Variants in RBBP8 observed in about 807,000 individuals in gnomAD.
RBBP8 encodes DNA endonuclease RBBP8.
A neutral mutation model predicts 108.3 loss-of-function variants in RBBP8; 88 were observed. The observed-to-expected ratio is 0.81, with a 90% CI of 0.68 to 0.97. RBBP8 has a LOEUF of 0.97. Among genes scored for constraint, RBBP8 ranks in the 50% least tolerant of loss-of-function variants. The probability of loss-of-function intolerance (pLI) is 0.00; values close to 1 mark genes in which losing one functional copy is unlikely to be tolerated. For missense variants in RBBP8, 1,023 were observed against 1,049.0 expected, an observed-to-expected ratio of 0.98 and a Z score of 0.34; for synonymous variants, 332 against 348.2, an observed-to-expected ratio of 0.95 and a Z score of 0.52.
chr18:22,965,468 A>G (rs951574825), intron 4 of RBBP8, among the ~76,000 whole-genome samples: 4 of 151,828 alleles, frequency 2.6e-5, no homozygotes, highest in Non-Finnish European at 2.9e-5. Context: ...CCTTAATTCT[A>G]TTTTCTAGAA....
chr18:22,939,258 G>A (rs1381183076), intron 2 of RBBP8, among the ~76,000 whole-genome samples: 1 of 152,200 alleles, frequency 6.6e-6, no homozygotes, highest in African/African-American at 2.4e-5. Flanking sequence ...TGTAATCCCA[G>A]TGCTTTGGGA....
At chr18:22,990,864 A>G in intron 9 of RBBP8, 73 bp from the exon 10 acceptor site, 1 of 1,114,940 alleles carries the variant, frequency 9.0e-7, no homozygotes, top group Non-Finnish European at 1.4e-6. Flanking sequence ...CATAACATAT[A>G]TCAGTACTTC....
chr18:22,979,531 A>C (rs565912661), intron 6 of RBBP8, among the ~76,000 whole-genome samples: 81 of 152,290 alleles, frequency 5.3e-4, no homozygotes, highest in African/African-American at 1.8e-3. Context: ...TACAGTTCTC[A>C]CTATATAAGC....
At position 23,026,169 on chromosome 18, in the gene RBBP8, T is replaced by C; in HGVS notation, c.2623T>C (p.Cys875Arg). The C allele has an allele frequency of 6.2e-7, 1 of 1,613,726 alleles. No homozygotes were observed. Among genetic ancestry groups the C allele is most frequent in the Non-Finnish European group, 8.5e-7 (1 of 1,179,702 alleles). The stretch of plus-strand genomic sequence containing the variant: ...TTATATTAAGGAAGATCTTGATCCT[T>C]GTCCTCGTCCAAAAAGACGTCAGCC... ...RGYIKEDLDPCPRPKRRQPYN... is the reference protein window; with the variant it reads ...RGYIKEDLDPRPRPKRRQPYN... The change falls in exon 19 of 19, where the codon TGT becomes CGT. Residue 875 changes from cysteine to arginine, a missense_variant. Coordinates refer to ENST00000327155, the MANE Select transcript of RBBP8 (RefSeq NM_002894.3).
chr18:22,924,261 T>C (rs1909710401), intron 3 of RBBP8, among the ~76,000 whole-genome samples: 1 of 151,326 alleles, frequency 6.6e-6, no homozygotes, highest in Admixed American at 6.6e-5. Flanking sequence ...CCTGAGTAGC[T>C]GGGACTACAG....
Position 22,936,823 on chromosome 18 carries a change from AAGTAGAAGTGTGG to A in RBBP8, c.-26_-14del. ...CAGAAAAGGTCAGAAAATATTAAGC[AAGTAGAAGTGTGG>A]AGCATATTAAGCAAGATGAACATCT... On this transcript the variant is annotated 5_prime_UTR_variant, in exon 2 of 19. Coordinates refer to ENST00000327155, the MANE Select transcript of RBBP8 (RefSeq NM_002894.3). 1 of 1,613,520 alleles carries A rather than the reference AAGTAGAAGTGTGG, an allele frequency of 6.2e-7. No individual in the cohort carries two copies. The highest frequency in any genetic ancestry group is 8.5e-7 in the Non-Finnish European group (1 of 1,179,536).
At chr18:23,022,651 T>TAAAATAAAAAA (rs370599195) in intron 18 of RBBP8, among the ~76,000 whole-genome samples, 3 of 84,372 alleles carry the variant, frequency 3.6e-5, no homozygotes, top group South Asian at 3.6e-4. Flanking sequence ...TAAAATACAA[T>TAAAATAAAAAA]ATAAAATAAA....
chr18:22,995,849 C>T (rs1195647944), intron 12 of RBBP8, among the ~76,000 whole-genome samples: 5 of 152,116 alleles, frequency 3.3e-5, no homozygotes, highest in African/African-American at 1.2e-4. Context: ...CTGCTATGAA[C>T]ATTTGTATAC....
intron 4 of RBBP8, among the ~76,000 whole-genome samples, chr18:22,957,651 G>GT (rs1176229185): frequency 5.3e-5 from 8 of 152,038 alleles, no homozygotes; most frequent in Non-Finnish European, 1.0e-4. Flanking sequence ...AATTGGGAGT[G>GT]TTTTTTCTTT....
intron 4 of RBBP8, among the ~76,000 whole-genome samples, chr18:22,965,390 G>A (rs1362882956): frequency 2.0e-5 from 3 of 152,096 alleles, no homozygotes; most frequent in South Asian, 4.1e-4. Flanking sequence ...CTGTTTCCTC[G>A]AAGATGCCCT....
intron 9 of RBBP8, 104 bp downstream of exon 9, chr18:22,989,422 G>C (rs1915534020): frequency 3.3e-5 from 27 of 823,210 alleles, no homozygotes; most frequent in Middle Eastern, 5.6e-4. Context: ...AAAGATCTTG[G>C]GTAAAGGCCT....
chr18:22,941,931 AT>A (rs1251808744), intron 2 of RBBP8, among the ~76,000 whole-genome samples: 2 of 152,154 alleles, frequency 1.3e-5, no homozygotes, highest in Non-Finnish European at 2.9e-5. Flanking sequence ...AATAAGTACT[AT>A]TTTTTAAGTA....
intron 4 of RBBP8, among the ~76,000 whole-genome samples, chr18:22,965,902 CAT>C (rs1211602584): frequency 9.2e-5 from 14 of 152,268 alleles, no homozygotes; most frequent in African/African-American, 2.9e-4. Context: ...AGCAAGTAGA[CAT>C]GTGGCTGCTG....
intron 16 of RBBP8, among the ~76,000 whole-genome samples, chr18:23,007,043 C>CA (rs1468721157): frequency 7.1e-6 from 1 of 140,936 alleles, no homozygotes; most frequent in African/African-American, 2.6e-5. Context: ...TTTTTGGAGA[C>CA]AGAGTTTCAC....
chr18:22,939,786 A>G (rs77035813), intron 2 of RBBP8, among the ~76,000 whole-genome samples: 7,434 of 152,228 alleles, frequency 0.049, 353 homozygotes, highest in African/African-American at 0.12. Flanking sequence ...GCAGTATACT[A>G]TGTTATTATC....
At position 22,993,759 on chromosome 18, in the gene RBBP8, G is replaced by A. The variant is rs772874005; in HGVS notation, c.1851G>A (p.Arg617=). The A allele has an allele frequency of 3.7e-6, 6 of 1,614,028 alleles. No homozygotes were observed. Among genetic ancestry groups the A allele is most frequent in the Middle Eastern group, 3.3e-4 (2 of 6,062 alleles). ...ATGAGCCAATAAAAATACAAACCAG[G>A]TCAGACCATGGAGGATGTGAACTTG... ...GSHEPIKIQT[R]SDHGGCELAS... is the part of the protein sequence containing the mutation. Residue 617 remains arginine, a synonymous_variant, in exon 12 of 19, where the codon AGG becomes AGA. Transcript: ENST00000327155.
rs199725314 is a variant in RBBP8 at position 23,018,053 on chromosome 18, TTTTG to T, written c.2454+1142_2454+1145del. Among the ~76,000 whole-genome samples the T allele has an allele frequency of 4.0e-3, 607 of 152,098 alleles. 5 individuals carry two copies. The highest frequency in any genetic ancestry group is 0.014 in the African/African-American group (572 of 41,492). On this transcript the variant is annotated intron_variant, in intron 17 of 18. Coordinates refer to ENST00000327155, the MANE Select transcript of RBBP8 (RefSeq NM_002894.3). ...GAACCACCATGCTGGCCAAGTTCTTTTTTGTTTGTTTGTTTGACACAGAGTTTTG... is the reference window on the plus strand; with the variant it reads ...GAACCACCATGCTGGCCAAGTTCTTTTTTGTTTGTTTGACACAGAGTTTTG...
intron 4 of RBBP8, among the ~76,000 whole-genome samples, chr18:22,960,347 T>C (rs1164304393): frequency 1.3e-5 from 2 of 152,214 alleles, no homozygotes. Flanking sequence ...GCCCAAAAGT[T>C]TGAGACCAGC....
chr18:22,951,702 G>A (rs11082219), intron 4 of RBBP8, among the ~76,000 whole-genome samples: 27,098 of 152,162 alleles, frequency 0.18, 3,339 homozygotes, highest in African/African-American at 0.36. Context: ...TCAAGCCCCA[G>A]GTTGTTTACC....
Sources: gnomAD v4.1 joint callset for allele counts (sites outside exome capture counted in the v4.1 genomes callset) on GRCh38, gnomAD v4.1.1 for gene constraint, MANE v1.5 for transcripts, NCBI Gene and HGNC (gene_info 2026-07-23, HGNC 2026-07-21) for gene names.